RUNX2: variants seen among roughly 807,000 people sequenced by gnomAD.
The protein encoded by RUNX2 is runt-related transcription factor 2.
A neutral mutation model predicts 51.7 loss-of-function variants in RUNX2; 10 were observed. The observed-to-expected ratio is 0.19, with a 90% CI of 0.12 to 0.33. The LOEUF (loss-of-function observed/expected upper bound fraction) is 0.33. Among genes scored for constraint, RUNX2 ranks in the 10% least tolerant of loss-of-function variants. The probability of loss-of-function intolerance (pLI) is 1.00; values close to 1 mark genes in which losing one functional copy is unlikely to be tolerated. For missense variants in RUNX2, 562 were observed against 691.3 expected, an observed-to-expected ratio of 0.81 and a Z score of 2.10; for synonymous variants, 276 against 273.6, an observed-to-expected ratio of 1.01 and a Z score of -0.09.
intron 5 of RUNX2, among the ~76,000 whole-genome samples, chr6:45,446,486 C>G (rs376050988): frequency 1.3e-5 from 2 of 151,460 alleles, no homozygotes; most frequent in African/African-American, 2.4e-5. Context: ...CCCCTCCCCC[C>G]CTTTTTTTGT....
chr6:45,434,207 A>T (rs1326952615), intron 4 of RUNX2, among the ~76,000 whole-genome samples: 1 of 152,222 alleles, frequency 6.6e-6, no homozygotes, highest in Non-Finnish European at 1.5e-5. Context: ...TCTGAAAAAA[A>T]AATGGGTCAG....
chr6:45,421,670 G>C (rs1261002392), intron 2 of RUNX2: 1 of 152,276 alleles, frequency 6.6e-6, no homozygotes, highest in Non-Finnish European at 1.5e-5. Context: ...CTAGGGGTGG[G>C]GAGAGCAAGA....
At chr6:45,403,783 G>A (rs538950578) in intron 2 of RUNX2, among the ~76,000 whole-genome samples, 1 of 152,108 alleles carries the variant, frequency 6.6e-6, no homozygotes, top group Non-Finnish European at 1.5e-5. Context: ...TGGGGGAAGA[G>A]GGAAGACAGA....
intron 7 of RUNX2, 83 bp from the exon 8 acceptor site, chr6:45,545,134 G>C: frequency 8.6e-7 from 1 of 1,164,588 alleles, no homozygotes; most frequent in South Asian, 1.3e-5. Flanking sequence ...TAAGGCTGTT[G>C]CTTCTCCTTC....
chr6:45,503,243 C>G (rs768557619), intron 6 of RUNX2, among the ~76,000 whole-genome samples: 36 of 152,096 alleles, frequency 2.4e-4, no homozygotes, highest in Non-Finnish European at 4.1e-4. Flanking sequence ...TCCATGGGAC[C>G]AGGGATTAGG....
chr6:45,345,886 T>C (rs944869369), intron 2 of RUNX2, among the ~76,000 whole-genome samples: 3 of 152,178 alleles, frequency 2.0e-5, no homozygotes, highest in Admixed American at 6.5e-5. Context: ...ACCCAGTTTC[T>C]CTCTAGACAC....
At chr6:45,538,835 G>T (rs1179003844) in intron 7 of RUNX2, among the ~76,000 whole-genome samples, 4 of 152,078 alleles carry the variant, frequency 2.6e-5, no homozygotes, top group African/African-American at 9.7e-5. Context: ...GCTGGAAATG[G>T]CTTCAGGATG....
chr6:45,336,416 C>T (rs2150110521), intron 2 of RUNX2, among the ~76,000 whole-genome samples: 1 of 151,272 alleles, frequency 6.6e-6, no homozygotes, highest in East Asian at 1.9e-4. Flanking sequence ...TCACAAGTAC[C>T]CAGGAAGAAA....
intron 5 of RUNX2, among the ~76,000 whole-genome samples, chr6:45,443,359 C>T (rs1798897040): frequency 6.6e-6 from 1 of 151,988 alleles, no homozygotes; most frequent in South Asian, 2.1e-4. Context: ...GGATGTTGGG[C>T]CTTCTTAAGG....
chr6:45,510,221 C>T (rs973309100), intron 6 of RUNX2, among the ~76,000 whole-genome samples: 2 of 152,118 alleles, frequency 1.3e-5, no homozygotes, highest in African/African-American at 4.8e-5. Context: ...CACAGAAGCC[C>T]GTTACTTTAA....
At chr6:45,518,124 A>C (rs529770661) in intron 7 of RUNX2, among the ~76,000 whole-genome samples, 1 of 152,224 alleles carries the variant, frequency 6.6e-6, no homozygotes, top group African/African-American at 2.4e-5. Context: ...CTACAGAACC[A>C]TTCCTTTCTT....
intron 7 of RUNX2, among the ~76,000 whole-genome samples, chr6:45,513,023 C>T (rs960238849): frequency 6.6e-6 from 1 of 152,130 alleles, no homozygotes; most frequent in African/African-American, 2.4e-5. Flanking sequence ...CCCGGCAGCC[C>T]AGTGCTCACA....
intron 5 of RUNX2, among the ~76,000 whole-genome samples, chr6:45,468,566 A>G (rs1799707392): frequency 6.6e-6 from 1 of 152,192 alleles, no homozygotes. Flanking sequence ...ATGAAACAAA[A>G]TATGCTTTGT....
Position 45,481,853 on chromosome 6 carries a change from G to A in RUNX2, c.686-10088G>A, listed in dbSNP as rs537887901. On this transcript the variant is annotated intron_variant, in intron 5 of 8. Transcript: ENST00000647337. Reference sequence around the variant, plus strand: ...AAAGCTAGTCTCAGTATTTTTCTGGGCATTAATTATTTCTCTAAAATGAAG... The same window carrying A: ...AAAGCTAGTCTCAGTATTTTTCTGGACATTAATTATTTCTCTAAAATGAAG... Among the ~76,000 whole-genome samples, 217 of 152,136 alleles carry A rather than the reference G, an allele frequency of 1.4e-3. 1 individual carries two copies. Among genetic ancestry groups the A allele is most frequent in the Non-Finnish European group, 2.5e-3 (173 of 68,030 alleles).
At chr6:45,452,902 T>C (rs1799215167) in intron 5 of RUNX2, among the ~76,000 whole-genome samples, 1 of 152,178 alleles carries the variant, frequency 6.6e-6, no homozygotes, top group African/African-American at 2.4e-5. Context: ...CATGGCTCAT[T>C]AAGAACATTT....
chr6:45,422,783 T>A lies in RUNX2; in HGVS notation c.249T>A (p.Ala83=), dbSNP rs756072084. ...CGGCGGCTGCGGCGGCGGCGGCGGC[T>A]GCGGCGGCGGCAGCTGCAGTGCCCC... The part of the protein sequence containing the change: ...AAAAAAAAAA[A]AAAAAAVPRL... Residue 83 remains alanine, a synonymous_variant, in exon 3 of 9, where the codon GCT becomes GCA. Transcript: ENST00000647337. The A allele has an allele frequency of 4.2e-6, 6 of 1,429,608 alleles. No individual in the cohort carries two copies. The highest frequency in any genetic ancestry group is 1.4e-5 in the South Asian group (1 of 72,332). 88.6% of individuals were successfully genotyped at this position (1,429,608 alleles called of 1,614,324 possible).
chr6:45,400,477 G>T (rs1321078), intron 2 of RUNX2, among the ~76,000 whole-genome samples: 26,838 of 152,130 alleles, frequency 0.18, 2,939 homozygotes, highest in Non-Finnish European at 0.25. Context: ...TTGTCAACTG[G>T]TATTTGCCTG....
At chr6:45,503,054 A>G (rs1800846571) in intron 6 of RUNX2, among the ~76,000 whole-genome samples, 1 of 152,192 alleles carries the variant, frequency 6.6e-6, no homozygotes. Flanking sequence ...CTCATCTTCT[A>G]GACTTATGCT....
At chr6:45,473,669 G>T (rs1799871482) in intron 5 of RUNX2, among the ~76,000 whole-genome samples, 1 of 152,224 alleles carries the variant, frequency 6.6e-6, no homozygotes, top group Admixed American at 6.5e-5. Flanking sequence ...GAAAGTAATA[G>T]AGTGAAATTG....
Sources: allele counts gnomAD v4.1 joint callset (sites outside exome capture counted in the v4.1 genomes callset), GRCh38; gene constraint gnomAD v4.1.1; transcripts MANE v1.5; gene names NCBI Gene and HGNC (gene_info 2026-07-23, HGNC 2026-07-21).